SFT2D1: variants seen among roughly 807,000 people sequenced by gnomAD.
The protein encoded by SFT2D1 is SFT2 domain containing 1.
SFT2D1 carries 24 observed loss-of-function variants against 28.1 expected under a neutral mutation model. That is an observed-to-expected ratio of 0.85 (90% CI 0.62 to 1.20). SFT2D1 has a LOEUF of 1.20. SFT2D1 is among the 50% of genes most tolerant of loss of function. The pLI, the probability that SFT2D1 is intolerant of heterozygous loss-of-function variation, is 0.00. For missense variants in SFT2D1, 181 were observed against 190.9 expected (o/e 0.95, Z 0.31); for synonymous variants, 82 against 73.7 (o/e 1.11, Z -0.58).
intron 1 of SFT2D1, chr6:166,335,259 T>C: frequency 1.7e-6 from 1 of 587,836 alleles, no homozygotes; most frequent in Non-Finnish European, 3.3e-6. Context: ...ATGGCTTTGG[T>C]GGCAGCTGTC....
Position 166,337,987 on chromosome 6 carries a change from A to G in SFT2D1, c.63+4432T>C, listed in dbSNP as rs554356645. On this transcript the variant is annotated intron_variant, in intron 1 of 7. Coordinates refer to ENST00000361731, the MANE Select transcript of SFT2D1 (RefSeq NM_145169.3). ...CTGCTCTCTGCCATGTCAAGATATA[A>G]CCAGAGGCAACAGTGTGACACCAGG... Among the ~76,000 whole-genome samples, 7 of 152,254 alleles carry G rather than the reference A, an allele frequency of 4.6e-5. No homozygotes were observed. In the South Asian group the frequency reaches 1.5e-3, roughly 32 times the overall value.
At chr6:166,334,399 C>G (rs1042405442) in intron 1 of SFT2D1, among the ~76,000 whole-genome samples, 1 of 152,256 alleles carries the variant, frequency 6.6e-6, no homozygotes, top group Non-Finnish European at 1.5e-5. Context: ...CAAGACCTGC[C>G]TGGGCAACAT....
chr6:166,341,952 C>T (rs1193618539), intron 1 of SFT2D1, among the ~76,000 whole-genome samples: 1 of 152,136 alleles, frequency 6.6e-6, no homozygotes, highest in African/African-American at 2.4e-5. Flanking sequence ...CAAAAGACCA[C>T]CCCCCAGCAA....
chr6:166,320,343 T>A (rs1778327564), intron 7 of SFT2D1, 87 bp from the exon 8 acceptor site: 6 of 1,083,858 alleles, frequency 5.5e-6, no homozygotes, highest in Non-Finnish European at 8.3e-6. Flanking sequence ...TCACCTTTTT[T>A]AACAGAACTC....
chr6:166,334,933 T>C (rs1216937785), intron 1 of SFT2D1: 13 of 440,034 alleles, frequency 3.0e-5, no homozygotes, highest in Non-Finnish European at 5.2e-5. Flanking sequence ...TTGAAGAACA[T>C]CGCCTAAGAG....
At position 166,320,226 on chromosome 6, in the gene SFT2D1, G is replaced by A; in HGVS notation, c.471C>T (p.Leu157=). 6.2e-7 allele frequency: 1 copy of A among 1,611,954 alleles called. No individual in the cohort carries two copies. The highest frequency in any genetic ancestry group is 8.5e-7 in the Non-Finnish European group (1 of 1,179,266). ...CACAAGTTTCTGATTTTCAACTTAG[G>A]AGAGAAGAACAGCATTTAATAACTG... is the stretch of plus-strand genomic sequence containing the variant. ...RDAVIKCCSS[L]LS The change falls in exon 8 of 8, where the codon CTC becomes CTT. Residue 157 remains leucine, a synonymous_variant. Coordinates refer to ENST00000361731, the MANE Select transcript of SFT2D1 (RefSeq NM_145169.3).
At position 166,324,574 on chromosome 6, in the gene SFT2D1, C is replaced by T. The variant is rs201368298; in HGVS notation, c.373G>A (p.Val125Met). Residue 125 changes from valine (V) to methionine (M), a missense_variant, in exon 6 of 8, where the codon GTG (valine) becomes ATG (methionine). Val to Met is a conservative substitution (Grantham distance 21). Coordinates refer to ENST00000361731, the MANE Select transcript of SFT2D1 (RefSeq NM_145169.3). ...AAGAACTGCAATATGCAGAATAACA[C>T]AGCCAGTCCCTTCTTATGCCACTAA... ...ALWWHKKGLAVLFCILQFLSM... is the reference protein window; with the variant it reads ...ALWWHKKGLAMLFCILQFLSM... 6.2e-7 allele frequency: 1 copy of T among 1,613,026 alleles called. No individual in the cohort carries two copies. The highest frequency in any genetic ancestry group is 1.7e-5 in the Admixed American group (1 of 59,388).
At position 166,320,164 on chromosome 6, in the gene SFT2D1, A is replaced by C. The variant is rs1465197084; in HGVS notation, c.*53T>G. ...TGTTTTATGGGGAAAAGCAAACTTC[A>C]CCAAACATAGAGTACCAACATTCAA... On this transcript the variant is annotated 3_prime_UTR_variant, in exon 8 of 8. Coordinates refer to ENST00000361731, the MANE Select transcript of SFT2D1 (RefSeq NM_145169.3). 1 of 1,574,602 alleles carries C rather than the reference A, an allele frequency of 6.4e-7. No homozygotes were observed. Among genetic ancestry groups the C allele is most frequent in the Non-Finnish European group, 8.7e-7 (1 of 1,148,594 alleles).
rs183131943 is a variant in SFT2D1, at chr6:166,324,185, G to A, written c.410+352C>T. On this transcript the variant is annotated intron_variant, in intron 6 of 7. Transcript: ENST00000361731. ...TTTATCCAGCAATAGAGTGGAGAATGCAGGTAAACTCATCTTCCCTTGGAC... is the reference window on the plus strand; with the variant it reads ...TTTATCCAGCAATAGAGTGGAGAATACAGGTAAACTCATCTTCCCTTGGAC... 1.6e-3 allele frequency: 326 copies of A among 200,648 alleles called. 1 individual carries two copies. The highest frequency in any genetic ancestry group is 7.2e-3 in the African/African-American group (311 of 43,492). 12.4% of individuals were successfully genotyped at this position (200,648 alleles called of 1,614,324 possible).
intron 1 of SFT2D1, among the ~76,000 whole-genome samples, chr6:166,333,387 AC>A (rs1014741620): frequency 1.3e-5 from 2 of 152,086 alleles, no homozygotes; most frequent in African/African-American, 4.8e-5. Flanking sequence ...CCACTCAGTG[AC>A]CCAGCCCAGG....
At chr6:166,338,235 T>C (rs190667948) in intron 1 of SFT2D1, among the ~76,000 whole-genome samples, 7 of 152,350 alleles carry the variant, frequency 4.6e-5, no homozygotes, top group African/African-American at 1.4e-4. Flanking sequence ...GTTCTTGTCA[T>C]CTAACTCCCA....
chr6:166,324,496 C>T (rs750742856), intron 6 of SFT2D1, 41 bp downstream of exon 6: 78 of 1,580,898 alleles, frequency 4.9e-5, no homozygotes, highest in Non-Finnish European at 6.2e-5. Context: ...CGTCACGTCT[C>T]AGGCAATTTT....
At chr6:166,321,509 G>A (rs1001582175) in intron 7 of SFT2D1, among the ~76,000 whole-genome samples, 1 of 152,114 alleles carries the variant, frequency 6.6e-6, no homozygotes, top group African/African-American at 2.4e-5. Context: ...CTCCTGTTAA[G>A]CAGCTTTCTC....
Position 166,320,263 on chromosome 6 carries a change from G to T in SFT2D1, c.441-7C>A. ...GCATTTAATAACTGCATCCCTGGTG[G>T]AAAAGAGAGGGAAAAAAACAGAATA... is the stretch of plus-strand genomic sequence containing the variant. On this transcript the variant is annotated splice_region_variant and splice_polypyrimidine_tract_variant and intron_variant, in intron 7 of 7. Coordinates refer to ENST00000361731, the MANE Select transcript of SFT2D1 (RefSeq NM_145169.3). The T allele has an allele frequency of 6.2e-7, 1 of 1,608,496 alleles. No homozygotes were observed. Among genetic ancestry groups the T allele is most frequent in the Non-Finnish European group, 8.5e-7 (1 of 1,177,772 alleles).
intron 1 of SFT2D1, among the ~76,000 whole-genome samples, chr6:166,341,629 G>A (rs1250660535): frequency 6.6e-6 from 1 of 152,108 alleles, no homozygotes; most frequent in Non-Finnish European, 1.5e-5. Flanking sequence ...GAGACAAATA[G>A]AAGATCCTTA....
intron 3 of SFT2D1, 118 bp from the exon 4 acceptor site, chr6:166,328,475 C>A: frequency 1.8e-6 from 1 of 568,812 alleles, no homozygotes; most frequent in Non-Finnish European, 2.8e-6. Flanking sequence ...AAATCTCTCA[C>A]TAAAATTTTT....
intron 3 of SFT2D1, among the ~76,000 whole-genome samples, chr6:166,329,106 G>A (rs1053938299): frequency 2.6e-5 from 4 of 152,100 alleles, no homozygotes; most frequent in Admixed American, 6.5e-5. Flanking sequence ...TCCCACCTCC[G>A]GATTCCCACT....
intron 1 of SFT2D1, among the ~76,000 whole-genome samples, chr6:166,332,750 G>A (rs1196542644): frequency 6.6e-6 from 1 of 152,196 alleles, no homozygotes; most frequent in Non-Finnish European, 1.5e-5. Context: ...AGAGAATACA[G>A]GCCCTTGAGG....
chr6:166,342,395 T>G, intron 1 of SFT2D1, 24 bp downstream of exon 1: 1 of 1,545,802 alleles, frequency 6.5e-7, no homozygotes, highest in Non-Finnish European at 8.7e-7. Flanking sequence ...GCCCCGGGAC[T>G]GGACGAGGGC....
Sources: gnomAD v4.1 joint callset for allele counts (sites outside exome capture counted in the v4.1 genomes callset) on GRCh38, gnomAD v4.1.1 for gene constraint, MANE v1.5 for transcripts, NCBI Gene and HGNC (gene_info 2026-07-23, HGNC 2026-07-21) for gene names.